CACNA1D: variants seen among roughly 807,000 people sequenced by gnomAD.
The protein encoded by CACNA1D is voltage-dependent L-type calcium channel subunit alpha-1D.
Under a neutral mutation model 257.1 loss-of-function variants are expected in CACNA1D, and 55 were observed. The ratio of observed to expected loss-of-function variants is 0.21; its 90% CI spans 0.17 to 0.27. The LOEUF (loss-of-function observed/expected upper bound fraction) is 0.27, where lower values mean the gene tolerates loss of function less well. CACNA1D is among the 10% of genes least tolerant of loss of function. The probability of loss-of-function intolerance (pLI) is 1.00; values close to 1 mark genes in which losing one functional copy is unlikely to be tolerated. For synonymous variants in CACNA1D, 980 were observed against 1,014.9 expected, an observed-to-expected ratio of 0.97 and a Z score of 0.65; for missense variants, 1,876 against 2,784.0, an observed-to-expected ratio of 0.67 and a Z score of 7.34.
rs568467080 is a variant in CACNA1D at position 53,732,914 on chromosome 3, C to T, written c.2573C>T (p.Ala858Val). ...GAGTTGAACATGAAGGAAAAAATTG[C>T]CCCCATCCCTGAAGGGAGCGCTTTC... is the stretch of plus-strand genomic sequence containing the variant. ...ISELNMKEKI[A>V]PIPEGSAFFI... Residue 858 changes from alanine to valine, a missense_variant, in exon 19 of 48, where the codon GCC becomes GTC. Coordinates refer to ENST00000350061, the MANE Select transcript of CACNA1D (RefSeq NM_001128840.3). 32 of 1,613,910 alleles carry T rather than the reference C, an allele frequency of 2.0e-5. No individual in the cohort carries two copies. Among genetic ancestry groups the T allele is most frequent in the Non-Finnish European group, 2.5e-5 (30 of 1,179,860 alleles).
At chr3:53,704,600 G>A (rs945939449) in intron 9 of CACNA1D, among the ~76,000 whole-genome samples, 2 of 152,202 alleles carry the variant, frequency 1.3e-5, no homozygotes, top group South Asian at 2.1e-4. Context: ...CATGGCTTTC[G>A]TGGAGCTTCT....
At chr3:53,664,472 T>C (rs1377016834) in intron 5 of CACNA1D, among the ~76,000 whole-genome samples, 13 of 152,226 alleles carry the variant, frequency 8.5e-5, no homozygotes, top group Non-Finnish European at 1.5e-5. Flanking sequence ...AAAGTTTGGC[T>C]TCATGACCTG....
At chr3:53,680,065 G>C (rs1169523013) in intron 8 of CACNA1D, among the ~76,000 whole-genome samples, 1 of 152,208 alleles carries the variant, frequency 6.6e-6, no homozygotes, top group African/African-American at 2.4e-5. Flanking sequence ...TCCTGGTGCT[G>C]TTGGTACCAT....
At chr3:53,591,359 T>C (rs2093302322) in intron 3 of CACNA1D, among the ~76,000 whole-genome samples, 1 of 152,184 alleles carries the variant, frequency 6.6e-6, no homozygotes, top group Non-Finnish European at 1.5e-5. Context: ...TTCAAGTGAT[T>C]CTCCTGCTTC....
chr3:53,567,173 C>T (rs2092859033), intron 3 of CACNA1D, among the ~76,000 whole-genome samples: 1 of 152,186 alleles, frequency 6.6e-6, no homozygotes, highest in Admixed American at 6.5e-5. Flanking sequence ...AGCATGGTGC[C>T]AGAGGCATGG....
At chr3:53,548,373 A>ATTTTTTTTTTTTTTTT (rs1278474628) in intron 3 of CACNA1D, among the ~76,000 whole-genome samples, 2 of 127,468 alleles carry the variant, frequency 1.6e-5, no homozygotes, top group Non-Finnish European at 1.6e-5. Flanking sequence ...TTTTTTTTTA[A>ATTTTTTTTTTTTTTTT]AAATTATCTT....
At chr3:53,725,009 T>G (rs2094920875) in intron 14 of CACNA1D, among the ~76,000 whole-genome samples, 1 of 151,902 alleles carries the variant, frequency 6.6e-6, no homozygotes, top group African/African-American at 2.4e-5. Flanking sequence ...GGTGTCTTTT[T>G]TTTTTTTTGG....
chr3:53,721,626 T>A (rs769593572), intron 11 of CACNA1D, among the ~76,000 whole-genome samples: 5 of 152,372 alleles, frequency 3.3e-5, no homozygotes, highest in Admixed American at 1.3e-4. Flanking sequence ...GAGCTCATTT[T>A]ATTTTTATGA....
intron 3 of CACNA1D, among the ~76,000 whole-genome samples, chr3:53,549,459 TTGAACAGAAA>T (rs1355420028): frequency 8.9e-4 from 135 of 152,306 alleles, no homozygotes; most frequent in Non-Finnish European, 1.7e-3. Flanking sequence ...CTGAAGGGCC[TTGAACAGAAA>T]TGATTACTTT....
chr3:53,645,014 C>T (rs2094004205), intron 3 of CACNA1D, among the ~76,000 whole-genome samples: 2 of 152,200 alleles, frequency 1.3e-5, no homozygotes, highest in South Asian at 4.1e-4. Flanking sequence ...AATAGCCATT[C>T]CAATGAATGT....
chr3:53,739,216 G>A (rs1229967700), intron 20 of CACNA1D, among the ~76,000 whole-genome samples: 1 of 152,214 alleles, frequency 6.6e-6, no homozygotes, highest in Non-Finnish European at 1.5e-5. Flanking sequence ...GACTAGCTGC[G>A]TGGCCTATGC....
In CACNA1D at chr3:53,528,568, AAC is replaced by A. The variant is rs750956108; in HGVS notation, c.483+26850_483+26851del. On this transcript the variant is annotated intron_variant, in intron 3 of 47. Transcript: ENST00000350061. ...AGAATTAACTTGTCAATTTCTATAA[AAC>A]AGCCTTCTGGGGTTTTGATTGAGAT... is the stretch of plus-strand genomic sequence containing the variant. Among the ~76,000 whole-genome samples the A allele has an allele frequency of 4.6e-5, 7 of 152,328 alleles. No individual in the cohort carries two copies. The East Asian group carries it at 5.8e-4, about 13-fold the overall frequency.
At chr3:53,803,723 C>A in intron 44 of CACNA1D, 151 bp downstream of exon 44, 2 of 764,294 alleles carry the variant, frequency 2.6e-6, no homozygotes, top group Admixed American at 1.9e-5. Flanking sequence ...GAGAGTGGAG[C>A]TGGAGAAAGA....
At chr3:53,557,016 G>T (rs1387982336) in intron 3 of CACNA1D, among the ~76,000 whole-genome samples, 1 of 151,998 alleles carries the variant, frequency 6.6e-6, no homozygotes, top group Admixed American at 6.6e-5. Context: ...ATGCCCAGCT[G>T]TCTTTCTGTT....
At position 53,568,308 on chromosome 3, in the gene CACNA1D, T is replaced by C. The variant is rs115241278; in HGVS notation, c.483+66588T>C. On this transcript the variant is annotated intron_variant, in intron 3 of 47. Coordinates refer to ENST00000350061, the MANE Select transcript of CACNA1D (RefSeq NM_001128840.3). ...ACTTCAAGCAAGAACTTCACACCACTGGCATTGATGCTACATTCAGGACCA... is the reference window on the plus strand; with the variant it reads ...ACTTCAAGCAAGAACTTCACACCACCGGCATTGATGCTACATTCAGGACCA... Among the ~76,000 whole-genome samples, 1,521 of 152,316 alleles carry C rather than the reference T, an allele frequency of 1.0e-2. 30 individuals are homozygous for C. The highest frequency in any genetic ancestry group is 0.034 in the African/African-American group (1,429 of 41,562).
At chr3:53,571,804 C>G (rs1039152988) in intron 3 of CACNA1D, among the ~76,000 whole-genome samples, 1 of 152,186 alleles carries the variant, frequency 6.6e-6, no homozygotes, top group Non-Finnish European at 1.5e-5. Flanking sequence ...TACAAAAAAG[C>G]GTGTCCTGTG....
chr3:53,501,463 G>A (rs1049262969), intron 2 of CACNA1D, 152 bp from the exon 3 acceptor site: 8 of 626,388 alleles, frequency 1.3e-5, no homozygotes, highest in African/African-American at 3.6e-5. Context: ...TACTTCTGCC[G>A]AAAACCTAGC....
At chr3:53,632,958 C>T (rs1264973874) in intron 3 of CACNA1D, among the ~76,000 whole-genome samples, 1 of 152,140 alleles carries the variant, frequency 6.6e-6, no homozygotes, top group East Asian at 1.9e-4. Context: ...CAAAATGTGA[C>T]ACAGAGACAC....
chr3:53,670,495 C>T (rs1220554105), intron 7 of CACNA1D, among the ~76,000 whole-genome samples: 1 of 152,098 alleles, frequency 6.6e-6, no homozygotes, highest in Non-Finnish European at 1.5e-5. Context: ...CAGGTCCTTG[C>T]TACCACGCCC....
Sources: allele counts gnomAD v4.1 joint callset (sites outside exome capture counted in the v4.1 genomes callset), GRCh38; gene constraint gnomAD v4.1.1; transcripts MANE v1.5; gene names NCBI Gene and HGNC (gene_info 2026-07-23, HGNC 2026-07-21).